TENT4A: variants seen among roughly 807,000 people sequenced by gnomAD.
TENT4A encodes terminal nucleotidyltransferase 4A.
A neutral mutation model predicts 72.8 loss-of-function variants in TENT4A; 7 were observed. That is an observed-to-expected ratio of 0.10 (90% CI 0.05 to 0.18). The LOEUF is 0.18. Among genes scored for constraint, TENT4A ranks in the 10% least tolerant of loss-of-function variants. The pLI is 1.00. For synonymous variants in TENT4A, 456 were observed against 434.3 expected (o/e 1.05, Z -0.62); for missense variants, 831 against 1,017.7 (o/e 0.82, Z 2.50).
intron 11 of TENT4A, among the ~76,000 whole-genome samples, chr5:6,752,660 G>C (rs1742471386): frequency 1.3e-5 from 2 of 152,164 alleles, no homozygotes; most frequent in African/African-American, 4.8e-5. Flanking sequence ...GGATTACTGG[G>C]CATACTTTAT....
At chr5:6,754,729 T>G in intron 12 of TENT4A, 22 bp from the exon 13 acceptor site, 1 of 1,551,798 alleles carries the variant, frequency 6.4e-7, no homozygotes, top group Non-Finnish European at 8.8e-7. Flanking sequence ...GCTCCAACAC[T>G]GCTGTCTCTC....
chr5:6,719,406 AT>A (rs1032702769), intron 1 of TENT4A, among the ~76,000 whole-genome samples: 4 of 152,208 alleles, frequency 2.6e-5, no homozygotes, highest in Non-Finnish European at 5.9e-5. Flanking sequence ...CAGAAACTTG[AT>A]TTTTGAGGAT....
intron 1 of TENT4A, among the ~76,000 whole-genome samples, chr5:6,719,448 G>A (rs1464437929): frequency 5.9e-5 from 9 of 152,178 alleles, no homozygotes; most frequent in South Asian, 2.1e-4. Context: ...AGGTACAGAG[G>A]GGTGGCAGAG....
In TENT4A at chr5:6,714,753, G is replaced by A. The variant is rs1436307270; in HGVS notation, c.716+54G>A. 19 of 1,083,796 alleles carry A rather than the reference G, an allele frequency of 1.8e-5. 1 individual carries two copies. The East Asian group carries it at 5.1e-4, about 29-fold the overall frequency. The allele number at this position is 1,083,796 out of a possible 1,614,324, so 67.1% of individuals were successfully genotyped here. A position where few individuals can be genotyped will look rare whatever the true frequency, so the allele number is the denominator to read the frequency against. ...GGGGCGGGGCCCATGGTCCTGGCCGGCGCCCGCGGTGCAGACACCCGTCCC... is the reference window on the plus strand; with the variant it reads ...GGGGCGGGGCCCATGGTCCTGGCCGACGCCCGCGGTGCAGACACCCGTCCC... On this transcript the variant is annotated intron_variant, in intron 1 of 12. Transcript: ENST00000230859.
rs549159687 is a variant in TENT4A at position 6,736,702 on chromosome 5, G to A, written c.717-808G>A. On this transcript the variant is annotated intron_variant, in intron 1 of 12. Transcript: ENST00000230859. ...GACCTCAGCTCTTGGAGCCCATGGG[G>A]TGACAGGAGATCAGCACCTTTGAGG... Among the ~76,000 whole-genome samples the A allele has an allele frequency of 8.5e-5, 13 of 152,350 alleles. No homozygotes were observed. In the Middle Eastern group the frequency reaches 0.01, roughly 120 times the overall value.
At chr5:6,737,387 G>A in intron 1 of TENT4A, 123 bp from the exon 2 acceptor site, 3 of 834,542 alleles carry the variant, frequency 3.6e-6, no homozygotes, top group Non-Finnish European at 5.6e-6. Context: ...ACTTTCAGAG[G>A]AGAAATGAAA....
chr5:6,722,635 A>C (rs566202643), intron 1 of TENT4A, among the ~76,000 whole-genome samples: 1 of 150,014 alleles, frequency 6.7e-6, no homozygotes, highest in Non-Finnish European at 1.5e-5. Flanking sequence ...CCCCAGAGGC[A>C]AGGGTACTCT....
intron 5 of TENT4A, 65 bp downstream of exon 5, chr5:6,742,662 C>T (rs1157297699): frequency 2.2e-6 from 2 of 905,770 alleles, no homozygotes; most frequent in Non-Finnish European, 3.7e-6. Flanking sequence ...TTGGTGGCAT[C>T]CTACGATGTT....
chr5:6,753,165 T>C (rs775753630), intron 12 of TENT4A, 128 bp downstream of exon 12: 17 of 900,416 alleles, frequency 1.9e-5, no homozygotes, highest in Non-Finnish European at 2.8e-5. Context: ...TTTGTTGTCA[T>C]TCAGCCTGTT....
At chr5:6,738,544 C>T (rs1240249340) in intron 2 of TENT4A, 139 bp from the exon 3 acceptor site, 15 of 700,998 alleles carry the variant, frequency 2.1e-5, no homozygotes, top group East Asian at 1.2e-4. Context: ...GATTGTTATA[C>T]GGTCCCCTCC....
rs74957788 is a variant in TENT4A, at chr5:6,727,507, C to T, written c.717-10003C>T. ...TACACTCAGGCCTGGTCTTAGACTC[C>T]GCTGCTTGGGCTGTGCTGGTGCCTT... On this transcript the variant is annotated intron_variant, in intron 1 of 12. Coordinates refer to ENST00000230859, the MANE Select transcript of TENT4A (RefSeq NM_006999.6). Among the ~76,000 whole-genome samples, 174 of 152,328 alleles carry T rather than the reference C, an allele frequency of 1.1e-3. 3 individuals are homozygous for T. The East Asian group carries it at 0.015, about 13-fold the overall frequency.
chr5:6,715,479 C>T (rs1375617646), intron 1 of TENT4A, among the ~76,000 whole-genome samples: 1 of 152,164 alleles, frequency 6.6e-6, no homozygotes, highest in Admixed American at 6.5e-5. Context: ...GTTGACGCAG[C>T]CCCTTTGCCA....
chr5:6,715,292 A>G (rs1324643631), intron 1 of TENT4A, among the ~76,000 whole-genome samples: 1 of 152,198 alleles, frequency 6.6e-6, no homozygotes, highest in Non-Finnish European at 1.5e-5. Context: ...GATTTGTCAT[A>G]TATGTCTATT....
chr5:6,722,725 A>G (rs1328657108), intron 1 of TENT4A, among the ~76,000 whole-genome samples: 1 of 152,002 alleles, frequency 6.6e-6, no homozygotes, highest in Non-Finnish European at 1.5e-5. Context: ...TTTCTTGCAC[A>G]TAGTAGAAGG....
chr5:6,724,527 A>C (rs1740815190), intron 1 of TENT4A, among the ~76,000 whole-genome samples: 1 of 152,210 alleles, frequency 6.6e-6, no homozygotes, highest in Non-Finnish European at 1.5e-5. Flanking sequence ...ACTGATGTTC[A>C]TGCTGAAGGA....
chr5:6,714,212 G>T lies in TENT4A; in HGVS notation c.229G>T (p.Gly77Cys). 1 of 972,976 alleles carries T rather than the reference G, an allele frequency of 1.0e-6. No individual in the cohort carries two copies. The highest frequency in any genetic ancestry group is 1.2e-6 in the Non-Finnish European group (1 of 824,150). The allele number at this position is 972,976 out of a possible 1,614,324, so 60.3% of individuals were successfully genotyped here. ...ALPAASPPPP[G>C]PTAPAALPPA... Reference sequence around the variant, plus strand: ...GCCCGCCGCGTCGCCCCCGCCGCCCGGCCCCACCGCGCCCGCCGCGCTGCC... The same window carrying T: ...GCCCGCCGCGTCGCCCCCGCCGCCCTGCCCCACCGCGCCCGCCGCGCTGCC... Residue 77 changes from glycine (G) to cysteine (C), a missense_variant, in exon 1 of 13, where the codon GGC (glycine) becomes TGC (cysteine). Coordinates refer to ENST00000230859, the MANE Select transcript of TENT4A (RefSeq NM_006999.6).
rs1057339399 is a variant in TENT4A at position 6,727,471 on chromosome 5, A to G, written c.717-10039A>G. ...GGACTCTCTGCTCTGTAGCTGGCCC[A>G]TGGAGACGGGTACACTCAGGCCTGG... On this transcript the variant is annotated intron_variant, in intron 1 of 12. Coordinates refer to ENST00000230859, the MANE Select transcript of TENT4A (RefSeq NM_006999.6). 4.6e-5 allele frequency among the ~76,000 whole-genome samples: 7 copies of G among 152,252 alleles called. No homozygotes were observed. In the South Asian group the frequency reaches 1.5e-3, roughly 32 times the overall value.
intron 1 of TENT4A, among the ~76,000 whole-genome samples, chr5:6,716,062 A>C (rs1740370198): frequency 6.6e-6 from 1 of 152,120 alleles, no homozygotes; most frequent in Non-Finnish European, 1.5e-5. Context: ...ACTAGAAAAA[A>C]CAGGAAGACA....
intron 6 of TENT4A, among the ~76,000 whole-genome samples, chr5:6,744,160 T>C (rs1353039030): frequency 6.6e-6 from 1 of 152,222 alleles, no homozygotes; most frequent in African/African-American, 2.4e-5. Flanking sequence ...CATTTCTTGG[T>C]GCTTGTCTGT....
Sources: gnomAD v4.1 joint callset for allele counts (sites outside exome capture counted in the v4.1 genomes callset) on GRCh38, gnomAD v4.1.1 for gene constraint, MANE v1.5 for transcripts, NCBI Gene and HGNC (gene_info 2026-07-23, HGNC 2026-07-21) for gene names.